CPVL: variants seen among roughly 807,000 people sequenced by gnomAD.
CPVL encodes carboxypeptidase vitellogenic like, also known as probable serine carboxypeptidase CPVL.
Under a neutral mutation model 63.7 loss-of-function variants are expected in CPVL, and 51 were observed. That is an observed-to-expected ratio of 0.80 (90% CI 0.64 to 1.01). The LOEUF (loss-of-function observed/expected upper bound fraction) is 1.01, where lower values mean the gene tolerates loss of function less well. Ranked by LOEUF, CPVL falls within the 50% of genes least tolerant of loss-of-function variation. The probability of loss-of-function intolerance (pLI) is 0.00; values close to 1 mark genes in which losing one functional copy is unlikely to be tolerated. For missense variants in CPVL, 530 were observed against 573.1 expected, an observed-to-expected ratio of 0.92 and a Z score of 0.77; for synonymous variants, 195 against 206.0, an observed-to-expected ratio of 0.95 and a Z score of 0.46.
At chr7:29,163,998 G>A (rs577733134) in intron 5 of CPVL, among the ~76,000 whole-genome samples, 2 of 152,308 alleles carry the variant, frequency 1.3e-5, no homozygotes, top group African/African-American at 4.8e-5. Flanking sequence ...AAGTCCTTAT[G>A]TGGACATATG....
At chr7:29,194,479 C>T (rs1783352769) in intron 1 of CPVL, 2 of 158,014 alleles carry the variant, frequency 1.3e-5, no homozygotes, top group Admixed American at 6.5e-5. Flanking sequence ...TCTGTCTGTC[C>T]GTCTCCCGCC....
Position 29,029,449 on chromosome 7 carries a change from CACAATGGA to C in CPVL, c.1320+1120_1320+1127del, listed in dbSNP as rs568045308. On this transcript the variant is annotated intron_variant, in intron 12 of 12. Coordinates refer to ENST00000265394, the MANE Select transcript of CPVL (RefSeq NM_031311.5). ...GGATTTTAAAAATGTGGCATATACA[CACAATGGA>C]ATATTACTAAGCCATAAAAAAGAAT... is the stretch of plus-strand genomic sequence containing the variant. Among the ~76,000 whole-genome samples, 116 of 152,232 alleles carry C rather than the reference CACAATGGA, an allele frequency of 7.6e-4. 1 individual carries two copies. Among genetic ancestry groups the C allele is most frequent in the African/African-American group, 2.7e-3 (112 of 41,536 alleles).
intron 6 of CPVL, among the ~76,000 whole-genome samples, chr7:29,091,668 A>G (rs560168361): frequency 7.9e-4 from 114 of 143,750 alleles, no homozygotes; most frequent in African/African-American, 3.3e-3. Flanking sequence ...ATCATGGAAC[A>G]TGTGAAAAAC....
intron 11 of CPVL, among the ~76,000 whole-genome samples, chr7:29,041,369 G>A (rs1460607737): frequency 3.3e-5 from 5 of 151,944 alleles, no homozygotes; most frequent in African/African-American, 9.7e-5. Flanking sequence ...GAGCCACCGC[G>A]CCTGGCCCAA....
At chr7:29,168,692 C>T (rs1422869268) in intron 5 of CPVL, among the ~76,000 whole-genome samples, 1 of 152,178 alleles carries the variant, frequency 6.6e-6, no homozygotes, top group African/African-American at 2.4e-5. Flanking sequence ...TGTAGGCTTC[C>T]AGGGAGAGTT....
At chr7:29,040,792 GCCAAAAAAAATTATT>G (rs1788991652) in intron 11 of CPVL, among the ~76,000 whole-genome samples, 1 of 151,940 alleles carries the variant, frequency 6.6e-6, no homozygotes, top group African/African-American at 2.4e-5. Context: ...ATGTCTTTTG[GCCAAAAAAAATTATT>G]CCTGCTTTCT....
At chr7:29,136,558 T>G (rs1791249481) in intron 1 of CPVL, among the ~76,000 whole-genome samples, 1 of 151,854 alleles carries the variant, frequency 6.6e-6, no homozygotes, top group Admixed American at 6.6e-5. Flanking sequence ...CTAAAACCAA[T>G]AAATCAAGAA....
chr7:29,115,864 G>C (rs1257245115), intron 2 of CPVL, among the ~76,000 whole-genome samples: 4 of 152,146 alleles, frequency 2.6e-5, no homozygotes, highest in African/African-American at 9.7e-5. Context: ...CCCAAGACCA[G>C]CACCACACAG....
chr7:28,996,099 C>T (rs905720769), intron 12 of CPVL: 10 of 464,356 alleles, frequency 2.2e-5, no homozygotes, highest in African/African-American at 1.6e-4. Flanking sequence ...GTTAATTTTA[C>T]GCAAAGTTGT....
At chr7:29,132,204 C>A (rs997532316) in intron 1 of CPVL, among the ~76,000 whole-genome samples, 1 of 152,188 alleles carries the variant, frequency 6.6e-6, no homozygotes, top group Non-Finnish European at 1.5e-5. Flanking sequence ...GGCAGGAGAA[C>A]AGTGACTACA....
intron 5 of CPVL, among the ~76,000 whole-genome samples, chr7:29,158,967 A>T (rs1413155516): frequency 6.6e-6 from 1 of 152,246 alleles, no homozygotes; most frequent in African/African-American, 2.4e-5. Flanking sequence ...ACCCTGCGGC[A>T]ATCGAAATAT....
intron 11 of CPVL, among the ~76,000 whole-genome samples, chr7:29,044,211 G>T (rs919275613): frequency 6.6e-6 from 1 of 152,064 alleles, no homozygotes; most frequent in Admixed American, 6.5e-5. Flanking sequence ...GAAGTGAGGA[G>T]TTCAAGACCA....
At chr7:29,124,003 C>T (rs895642641) in intron 1 of CPVL, among the ~76,000 whole-genome samples, 1 of 152,018 alleles carries the variant, frequency 6.6e-6, no homozygotes, top group Non-Finnish European at 1.5e-5. Flanking sequence ...GTCATGGTTT[C>T]CCATTCAGGT....
At chr7:29,192,551 C>T (rs899576571) in intron 1 of CPVL, 7 of 152,198 alleles carry the variant, frequency 4.6e-5, no homozygotes, top group African/African-American at 1.7e-4. Flanking sequence ...GATTAGTTAT[C>T]TCCAGATGCA....
chr7:29,005,261 G>A (rs1189075923), intron 12 of CPVL, among the ~76,000 whole-genome samples: 1 of 152,024 alleles, frequency 6.6e-6, no homozygotes, highest in African/African-American at 2.4e-5. Flanking sequence ...TCAACCAGTG[G>A]TCACTCTACT....
chr7:29,159,033 A>G (rs961672010), intron 5 of CPVL, among the ~76,000 whole-genome samples: 24 of 152,214 alleles, frequency 1.6e-4, no homozygotes, highest in Non-Finnish European at 2.9e-4. Context: ...ATCTGCTATC[A>G]GAGAAAATTA....
intron 7 of CPVL, among the ~76,000 whole-genome samples, chr7:29,073,329 G>C (rs914420563): frequency 2.0e-5 from 3 of 152,292 alleles, no homozygotes; most frequent in Non-Finnish European, 4.4e-5. Flanking sequence ...AATCTGTCCA[G>C]AGTCCAATGT....
chr7:29,078,502 T>C (rs554704416), intron 7 of CPVL, among the ~76,000 whole-genome samples: 3 of 152,344 alleles, frequency 2.0e-5, no homozygotes, highest in South Asian at 4.1e-4. Flanking sequence ...ATAAAGAGTC[T>C]GAACACACTG....
At chr7:29,105,717 T>C (rs1584277023) in intron 3 of CPVL, among the ~76,000 whole-genome samples, 1 of 152,280 alleles carries the variant, frequency 6.6e-6, no homozygotes, top group East Asian at 1.9e-4. Context: ...CAGTGTTTAC[T>C]CTGGCCCCAG....
Sources: gnomAD v4.1 joint callset for allele counts (sites outside exome capture counted in the v4.1 genomes callset) on GRCh38, gnomAD v4.1.1 for gene constraint, MANE v1.5 for transcripts, NCBI Gene and HGNC (gene_info 2026-07-23, HGNC 2026-07-21) for gene names.